SFXN5: variants seen among roughly 807,000 people sequenced by gnomAD.
SFXN5 encodes sideroflexin-5.
Under a neutral mutation model 50.2 loss-of-function variants are expected in SFXN5, and 43 were observed. The observed-to-expected ratio is 0.86, with a 90% CI of 0.67 to 1.11. The LOEUF (loss-of-function observed/expected upper bound fraction) is 1.11. SFXN5 is among the 50% of genes least tolerant of loss of function. The pLI, the probability that SFXN5 is intolerant of heterozygous loss-of-function variation, is 0.00. For synonymous variants in SFXN5, 203 were observed against 185.8 expected, an observed-to-expected ratio of 1.09 and a Z score of -0.75; for missense variants, 463 against 454.1, an observed-to-expected ratio of 1.02 and a Z score of -0.18.
chr2:73,052,952 C>CG (rs1205343219), intron 2 of SFXN5, among the ~76,000 whole-genome samples: 1 of 152,180 alleles, frequency 6.6e-6, no homozygotes, highest in Non-Finnish European at 1.5e-5. Context: ...CCAAGGCGGG[C>CG]AGATCACTTG....
At chr2:73,069,030 T>C (rs868146375) in intron 1 of SFXN5, among the ~76,000 whole-genome samples, 1 of 131,764 alleles carries the variant, frequency 7.6e-6, no homozygotes, top group African/African-American at 2.9e-5. Context: ...GTGCGAAGTG[T>C]GGGTGGGTGG....
chr2:73,052,361 T>C (rs1249178112), intron 2 of SFXN5, among the ~76,000 whole-genome samples: 1 of 88,192 alleles, frequency 1.1e-5, no homozygotes, highest in East Asian at 3.0e-4. Context: ...TGTGTATGCG[T>C]GTGTGTGTGT....
At chr2:73,069,531 T>C in intron 1 of SFXN5, among the ~76,000 whole-genome samples, 1 of 152,160 alleles carries the variant, frequency 6.6e-6, no homozygotes, top group East Asian at 1.9e-4. Flanking sequence ...ATCCTTAACA[T>C]GGATGAATCA....
intron 6 of SFXN5, among the ~76,000 whole-genome samples, chr2:73,006,473 C>G (rs1674655746): frequency 6.6e-6 from 1 of 152,044 alleles, no homozygotes; most frequent in South Asian, 2.1e-4. Context: ...AATGCAAAAA[C>G]TAGCTGAGGG....
intron 10 of SFXN5, among the ~76,000 whole-genome samples, chr2:72,976,639 A>G (rs1670644741): frequency 6.6e-6 from 1 of 152,224 alleles, no homozygotes; most frequent in African/African-American, 2.4e-5. Flanking sequence ...AATGCCCAAA[A>G]AAGAACAAGA....
chr2:72,949,046 T>C lies in SFXN5; in HGVS notation c.946-3947A>G, dbSNP rs574491954. Among the ~76,000 whole-genome samples, 3 of 152,184 alleles carry C rather than the reference T, an allele frequency of 2.0e-5. No homozygotes were observed. In the East Asian group the frequency reaches 5.8e-4, roughly 29 times the overall value. ...AATGTATTGATAAGGGAACAAGGAA[T>C]GAAGACTTCTCAGAGGTGGTGAGCC... is the stretch of plus-strand genomic sequence containing the variant. On this transcript the variant is annotated intron_variant, in intron 13 of 13. Transcript: ENST00000272433.
chr2:73,047,261 T>TATATATATATATACACAC (rs1267941623), intron 2 of SFXN5, among the ~76,000 whole-genome samples: 1 of 75,406 alleles, frequency 1.3e-5, no homozygotes, highest in Non-Finnish European at 2.5e-5. Flanking sequence ...TATATATATA[T>TATATATATATATACACAC]ATATATATAT....
intron 1 of SFXN5, among the ~76,000 whole-genome samples, chr2:73,065,910 T>G (rs986217242): frequency 1.3e-5 from 2 of 152,214 alleles, no homozygotes; most frequent in African/African-American, 4.8e-5. Context: ...AAAGTATGTG[T>G]GTTTGTTTCC....
chr2:73,023,524 T>G (rs1677175024), intron 3 of SFXN5, among the ~76,000 whole-genome samples: 2 of 152,214 alleles, frequency 1.3e-5, no homozygotes, highest in African/African-American at 2.4e-5. Context: ...TTCCTAAAGC[T>G]CCCTAGTTGA....
At chr2:73,069,924 C>A (rs1021021383) in intron 1 of SFXN5, among the ~76,000 whole-genome samples, 1 of 152,178 alleles carries the variant, frequency 6.6e-6, no homozygotes, top group Non-Finnish European at 1.5e-5. Context: ...GCAAGATCAG[C>A]CCCTTCTTGC....
Position 72,950,596 on chromosome 2 carries a change from CCT to C in SFXN5, c.946-5499_946-5498del, listed in dbSNP as rs2105327375. Reference sequence around the variant, plus strand: ...CTCACCTATATGTGATGTTTCCTCCCCTGTCCACCAAAAACTAAGCATCTCCC... The same window carrying C: ...CTCACCTATATGTGATGTTTCCTCCCGTCCACCAAAAACTAAGCATCTCCC... On this transcript the variant is annotated intron_variant, in intron 13 of 13. Coordinates refer to ENST00000272433, the MANE Select transcript of SFXN5 (RefSeq NM_144579.3). This position sits in a 1 kb window ranked among gnomAD's most constrained non-coding sequence, Gnocchi z 4.2. Among the ~76,000 whole-genome samples the C allele has an allele frequency of 6.6e-6, 1 of 152,298 alleles. No individual in the cohort carries two copies. Among genetic ancestry groups the C allele is most frequent in the African/African-American group, 2.4e-5 (1 of 41,554 alleles).
At chr2:72,999,388 C>T (rs1337506139) in intron 8 of SFXN5, among the ~76,000 whole-genome samples, 3 of 151,982 alleles carry the variant, frequency 2.0e-5, no homozygotes, top group East Asian at 1.9e-4. Context: ...GCATCTGGAG[C>T]GCTTTCTAGG....
chr2:72,980,801 C>T (rs1395137097), intron 10 of SFXN5, among the ~76,000 whole-genome samples: 1 of 152,128 alleles, frequency 6.6e-6, no homozygotes, highest in Non-Finnish European at 1.5e-5. Context: ...CGACAACATG[C>T]CCTCCTCTGT....
chr2:73,068,986 A>T (rs1317481884), intron 1 of SFXN5, among the ~76,000 whole-genome samples: 1 of 144,558 alleles, frequency 6.9e-6, no homozygotes, highest in Non-Finnish European at 1.5e-5. Flanking sequence ...GTGGGTTCAG[A>T]GGCTGAAAAG....
intron 7 of SFXN5, among the ~76,000 whole-genome samples, chr2:73,001,149 G>A (rs1673858726): frequency 6.6e-6 from 1 of 152,264 alleles, no homozygotes; most frequent in South Asian, 2.1e-4. Flanking sequence ...CTCAGCAGAT[G>A]TGGGGGAGGC....
chr2:73,048,200 G>A lies in SFXN5; in HGVS notation c.172-7269C>T, dbSNP rs143822328. ...TATATTTATATAGAGATATAGATAC[G>A]TACATATTGTATCAGTCATCCCAGT... On this transcript the variant is annotated intron_variant, in intron 2 of 13. Coordinates refer to ENST00000272433, the MANE Select transcript of SFXN5 (RefSeq NM_144579.3). Among the ~76,000 whole-genome samples, 109 of 152,168 alleles carry A rather than the reference G, an allele frequency of 7.2e-4. 1 individual carries two copies. Among genetic ancestry groups the A allele is most frequent in the Admixed American group, 1.8e-3 (28 of 15,266 alleles).
At chr2:73,008,092 A>T (rs1446370998) in intron 6 of SFXN5, among the ~76,000 whole-genome samples, 1 of 152,174 alleles carries the variant, frequency 6.6e-6, no homozygotes, top group Non-Finnish European at 1.5e-5. Flanking sequence ...GCCCTGGGAA[A>T]CACCCCTGGA....
intron 10 of SFXN5, among the ~76,000 whole-genome samples, chr2:72,985,175 C>G (rs1403555405): frequency 6.6e-6 from 1 of 152,192 alleles, no homozygotes; most frequent in Non-Finnish European, 1.5e-5. Context: ...AGTCCTGTCT[C>G]TGCAAGCAGC....
At chr2:73,056,046 G>A (rs928247236) in intron 2 of SFXN5, among the ~76,000 whole-genome samples, 3 of 152,280 alleles carry the variant, frequency 2.0e-5, no homozygotes, top group Admixed American at 1.3e-4. Context: ...GCTGAGTCAC[G>A]AGAATCACTT....
Sources: gnomAD v4.1 joint callset for allele counts (sites outside exome capture counted in the v4.1 genomes callset) on GRCh38, gnomAD v4.1.1 for gene constraint, Gnocchi (gnomAD v3.1) non-coding constraint, MANE v1.5 for transcripts, NCBI Gene and HGNC (gene_info 2026-07-23, HGNC 2026-07-21) for gene names.